ROR1: variants seen among roughly 807,000 people sequenced by gnomAD.
The protein encoded by ROR1 is ROR family WNT receptor 1.
A neutral mutation model predicts 78.8 loss-of-function variants in ROR1; 19 were observed. The observed-to-expected ratio is 0.24, with a 90% CI of 0.17 to 0.35. ROR1 has a LOEUF of 0.35. Ranked by LOEUF, ROR1 falls within the 10% of genes least tolerant of loss-of-function variation. The pLI is 1.00. For synonymous variants in ROR1, 386 were observed against 433.6 expected, an observed-to-expected ratio of 0.89 and a Z score of 1.36; for missense variants, 917 against 1,177.8, an observed-to-expected ratio of 0.78 and a Z score of 3.24.
chr1:63,985,925 T>A (rs1166299715), intron 1 of ROR1, among the ~76,000 whole-genome samples: 1 of 152,098 alleles, frequency 6.6e-6, no homozygotes, highest in African/African-American at 2.4e-5. Context: ...GGATAAGGGA[T>A]ACTCAACCTG....
intron 4 of ROR1, among the ~76,000 whole-genome samples, chr1:64,083,404 A>C (rs553142804): frequency 1.3e-5 from 2 of 152,314 alleles, no homozygotes; most frequent in Admixed American, 1.3e-4. Flanking sequence ...GTTTACAGGA[A>C]TGAAAAAGAA....
chr1:64,005,099 A>G (rs1646417283), intron 1 of ROR1, among the ~76,000 whole-genome samples: 2 of 152,242 alleles, frequency 1.3e-5, no homozygotes, highest in Admixed American at 1.3e-4. Context: ...TGTGAAATGC[A>G]GTGTCTTTCT....
intron 5 of ROR1, among the ~76,000 whole-genome samples, chr1:64,138,158 G>C (rs1051380420): frequency 9.9e-5 from 15 of 152,182 alleles, no homozygotes; most frequent in African/African-American, 3.6e-4. Context: ...GCATCGTTCT[G>C]GTGGTTACAG....
At chr1:63,814,929 T>C (rs1048972712) in intron 1 of ROR1, among the ~76,000 whole-genome samples, 2 of 152,188 alleles carry the variant, frequency 1.3e-5, no homozygotes, top group African/African-American at 4.8e-5. Flanking sequence ...TCTGGTGGAG[T>C]GTCTCTATTC....
intron 1 of ROR1, chr1:63,789,045 G>T: frequency 1.6e-6 from 1 of 628,516 alleles, no homozygotes; most frequent in Non-Finnish European, 3.1e-6. Flanking sequence ...TGGCATCCGG[G>T]CATTGGTTGT....
chr1:64,007,934 C>T (rs11208336), intron 1 of ROR1, among the ~76,000 whole-genome samples: 4,193 of 144,108 alleles, frequency 0.029, 222 homozygotes, highest in African/African-American at 0.1. Context: ...ATTTTAGGGG[C>T]GAGGTGTATT....
At chr1:63,805,306 A>G (rs1397476819) in intron 1 of ROR1, among the ~76,000 whole-genome samples, 1 of 152,158 alleles carries the variant, frequency 6.6e-6, no homozygotes, top group Non-Finnish European at 1.5e-5. Context: ...GTGGCCCAGG[A>G]TCAGGTCAGC....
chr1:64,049,545 G>A (rs1646811222), intron 2 of ROR1, 146 bp from the exon 3 acceptor site: 2 of 726,564 alleles, frequency 2.8e-6, no homozygotes, highest in South Asian at 1.8e-5. Flanking sequence ...CTTAATCAAT[G>A]TGATTGTTTC....
intron 1 of ROR1, among the ~76,000 whole-genome samples, chr1:63,882,433 A>G (rs1282755621): frequency 6.6e-6 from 1 of 152,200 alleles, no homozygotes; most frequent in East Asian, 1.9e-4. Context: ...TGGCTTGGTT[A>G]GACAAAGATG....
chr1:64,012,851 G>A (rs1007358731), intron 2 of ROR1, among the ~76,000 whole-genome samples: 1 of 152,040 alleles, frequency 6.6e-6, no homozygotes, highest in Non-Finnish European at 1.5e-5. Context: ...TATAATTGAA[G>A]AATAGAGCTA....
At chr1:63,776,236 C>T (rs1644615582) in intron 1 of ROR1, among the ~76,000 whole-genome samples, 1 of 152,220 alleles carries the variant, frequency 6.6e-6, no homozygotes. Flanking sequence ...GGTCACTTAC[C>T]TTTAAATACA....
At chr1:63,918,530 G>C (rs887298598) in intron 1 of ROR1, among the ~76,000 whole-genome samples, 1 of 152,204 alleles carries the variant, frequency 6.6e-6, no homozygotes, top group East Asian at 1.9e-4. Context: ...CCAACACTAT[G>C]AATTGAAACA....
At chr1:63,978,190 G>A (rs181147097) in intron 1 of ROR1, among the ~76,000 whole-genome samples, 37 of 152,242 alleles carry the variant, frequency 2.4e-4, no homozygotes, top group Admixed American at 1.8e-3. Context: ...TTCTGCATCC[G>A]GGAAGGAGAA....
intron 4 of ROR1, among the ~76,000 whole-genome samples, chr1:64,051,068 G>T (rs1646824469): frequency 6.6e-6 from 1 of 152,156 alleles, no homozygotes; most frequent in Non-Finnish European, 1.5e-5. Flanking sequence ...CAGGGTCTAT[G>T]TTTCTGCAAG....
At chr1:64,026,435 C>T (rs1310976791) in intron 2 of ROR1, among the ~76,000 whole-genome samples, 1 of 152,214 alleles carries the variant, frequency 6.6e-6, no homozygotes, top group Non-Finnish European at 1.5e-5. Context: ...TCATTTTAGA[C>T]TTGATTATGA....
At chr1:63,889,707 A>G (rs1237328839) in intron 1 of ROR1, among the ~76,000 whole-genome samples, 1 of 152,190 alleles carries the variant, frequency 6.6e-6, no homozygotes, top group East Asian at 1.9e-4. Context: ...TTCAATATTT[A>G]AGGGACTTCT....
At chr1:63,801,542 G>A (rs555017981) in intron 1 of ROR1, among the ~76,000 whole-genome samples, 9 of 152,172 alleles carry the variant, frequency 5.9e-5, no homozygotes, top group Admixed American at 3.3e-4. Context: ...TGATCCGCCC[G>A]CCTCAGCCTC....
chr1:64,097,807 C>T (rs2100652581), intron 4 of ROR1, among the ~76,000 whole-genome samples: 1 of 152,176 alleles, frequency 6.6e-6, no homozygotes, highest in African/African-American at 2.4e-5. Context: ...TGTCATGTTC[C>T]TCAAGCTCCA....
chr1:64,131,446 A>T (rs1303038704), intron 4 of ROR1, among the ~76,000 whole-genome samples: 1 of 152,030 alleles, frequency 6.6e-6, no homozygotes, highest in Non-Finnish European at 1.5e-5. Context: ...CTTGGAAGTG[A>T]CTTACAAAGC....
Sources: gnomAD v4.1 joint callset for allele counts (sites outside exome capture counted in the v4.1 genomes callset) on GRCh38, gnomAD v4.1.1 for gene constraint, MANE v1.5 for transcripts, NCBI Gene and HGNC (gene_info 2026-07-23, HGNC 2026-07-21) for gene names.